DHX29: variants seen among roughly 807,000 people sequenced by gnomAD.
The protein encoded by DHX29 is ATP-dependent RNA helicase DHX29.
Under a neutral mutation model 167.9 loss-of-function variants are expected in DHX29, and 79 were observed. The ratio of observed to expected loss-of-function variants is 0.47; its 90% CI spans 0.39 to 0.57. The LOEUF (loss-of-function observed/expected upper bound fraction) is 0.57. DHX29 is among the 20% of genes least tolerant of loss of function. The probability of loss-of-function intolerance (pLI) is 0.00; values close to 1 mark genes in which losing one functional copy is unlikely to be tolerated. For missense variants in DHX29, 1,347 were observed against 1,593.4 expected (o/e 0.85, Z 2.63); for synonymous variants, 530 against 546.0 (o/e 0.97, Z 0.41).
At chr5:55,290,921 A>T (rs2111935150) in intron 6 of DHX29, among the ~76,000 whole-genome samples, 1 of 152,304 alleles carries the variant, frequency 6.6e-6, no homozygotes, top group South Asian at 2.1e-4. Flanking sequence ...AGGCTGAGGC[A>T]GGAGAATCAC....
intron 6 of DHX29, among the ~76,000 whole-genome samples, chr5:55,293,761 A>G (rs1276296255): frequency 6.6e-6 from 1 of 152,188 alleles, no homozygotes; most frequent in Middle Eastern, 3.2e-3. Context: ...TAAAGAATTT[A>G]GCATACTCCT....
rs1361959057 is a variant in DHX29 at position 55,307,637 on chromosome 5, A to G, written c.-64T>C. ...CCGACGGTACCACTGCACAGCCGAGAGCTCTTCACATTCCCCGGCTCCGGG... is the reference window on the plus strand; with the variant it reads ...CCGACGGTACCACTGCACAGCCGAGGGCTCTTCACATTCCCCGGCTCCGGG... On this transcript the variant is annotated 5_prime_UTR_variant, in exon 1 of 27. Coordinates refer to ENST00000251636, the MANE Select transcript of DHX29 (RefSeq NM_019030.4). 6 of 1,575,650 alleles carry G rather than the reference A, an allele frequency of 3.8e-6. No individual in the cohort carries two copies. In the South Asian group the frequency reaches 4.5e-5, roughly 12 times the overall value.
chr5:55,286,029 T>C (rs1030152248), intron 8 of DHX29, among the ~76,000 whole-genome samples, 168 bp from the exon 9 acceptor site: 3 of 151,742 alleles, frequency 2.0e-5, no homozygotes, highest in East Asian at 1.9e-4. Flanking sequence ...CCGAGGCGGG[T>C]AGATCACGAA....
At position 55,260,527 on chromosome 5, in the gene DHX29, G is replaced by GCCTGGGGTGTAACATTTTTTAAAATA. The variant is rs1579747000; in HGVS notation, c.3961-584_3961-583insTATTTTAAAAAATGTTACACCCCAGG. Among the ~76,000 whole-genome samples the GCCTGGGGTGTAACATTTTTTAAAATA allele has an allele frequency of 1.1e-4, 17 of 151,810 alleles. No individual in the cohort carries two copies. In the East Asian group the frequency reaches 1.9e-3, roughly 17 times the overall value. ...ATTACAGGCATGAGCCATGGCACCC[G>GCCTGGGGTGTAACATTTTTTAAAATA]GCTTTATTGAGATATAAAAATTACC... On this transcript the variant is annotated intron_variant, in intron 25 of 26. Transcript: ENST00000251636.
Position 55,262,722 on chromosome 5 carries a change from T to G in DHX29, c.3736A>C (p.Ile1246Leu). 3 of 1,614,128 alleles carry G rather than the reference T, an allele frequency of 1.9e-6. No individual in the cohort carries two copies. In the Middle Eastern group the frequency reaches 5.0e-4, roughly 266 times the overall value. The stretch of plus-strand genomic sequence containing the variant: ...GCTTTGCCTTGGGCCGTCTCCACAA[T>G]GCAAGCCAATTTTTCTGTAACATCC... ...SVDVTEKLAC[I>L]VETAQGKAQV... Residue 1246 changes from isoleucine to leucine, a missense_variant, in exon 24 of 27, where the codon ATT becomes CTT. Transcript: ENST00000251636.
chr5:55,261,327 G>C, intron 25 of DHX29, 41 bp downstream of exon 25: 1 of 1,250,074 alleles, frequency 8.0e-7, no homozygotes, highest in Non-Finnish European at 1.1e-6. Flanking sequence ...ACTGGAAGTT[G>C]AAAATTTTTA....
chr5:55,274,794 TA>T (rs1747024586), intron 15 of DHX29, 63 bp from the exon 16 acceptor site: 2 of 1,561,746 alleles, frequency 1.3e-6, no homozygotes, highest in Non-Finnish European at 1.7e-6. Flanking sequence ...TATAAAATAT[TA>T]ATAAAACATC....
intron 23 of DHX29, among the ~76,000 whole-genome samples, chr5:55,266,733 G>C (rs991127354): frequency 1.3e-5 from 2 of 151,454 alleles, no homozygotes; most frequent in African/African-American, 4.9e-5. Context: ...CTCCCACCTT[G>C]GTCTCCTGAG....
At chr5:55,297,522 A>C in intron 2 of DHX29, 124 bp from the exon 3 acceptor site, 2 of 607,754 alleles carry the variant, frequency 3.3e-6, no homozygotes, top group South Asian at 4.0e-5. Flanking sequence ...CAGATACAGT[A>C]ATTATCATTT....
chr5:55,280,531 T>C (rs915574326), intron 12 of DHX29, among the ~76,000 whole-genome samples: 2 of 152,178 alleles, frequency 1.3e-5, no homozygotes, highest in East Asian at 3.9e-4. Context: ...GTCTTGGTCA[T>C]ACAAAGCCAC....
At chr5:55,295,866 C>G (rs767927680) in intron 4 of DHX29, among the ~76,000 whole-genome samples, 1 of 152,286 alleles carries the variant, frequency 6.6e-6, no homozygotes, top group Middle Eastern at 3.4e-3. Flanking sequence ...CATTTGCACT[C>G]CAGATTCTTG....
intron 11 of DHX29, 95 bp from the exon 12 acceptor site, chr5:55,281,610 A>G (rs1747417575): frequency 2.4e-6 from 2 of 846,604 alleles, no homozygotes; most frequent in African/African-American, 3.5e-5. Flanking sequence ...CTTGCTGTTA[A>G]ATGGAGCATT....
intron 8 of DHX29, among the ~76,000 whole-genome samples, chr5:55,287,308 G>T (rs1405666403): frequency 6.6e-6 from 1 of 152,070 alleles, no homozygotes; most frequent in Non-Finnish European, 1.5e-5. Context: ...GGGCATGCAG[G>T]CATGCACCTG....
rs1408943502 is a variant in DHX29, at chr5:55,297,331, T to C, written c.329A>G (p.Asn110Ser). The C allele has an allele frequency of 1.2e-6, 2 of 1,601,380 alleles. No homozygotes were observed. Among genetic ancestry groups the C allele is most frequent in the South Asian group, 2.2e-5 (2 of 90,000 alleles). The change falls in exon 3 of 27, where the codon AAT (asparagine) becomes AGT (serine). Residue 110 changes from asparagine (N) to serine (S), a missense_variant. Physicochemically the swap from Asn to Ser is conservative, Grantham distance 46. This residue lies in a region of DHX29 where 405 missense variants were observed against 416.8 expected (regional missense o/e 0.97). Coordinates refer to ENST00000251636, the MANE Select transcript of DHX29 (RefSeq NM_019030.4). ...TCTTCCAGAAATCATTCCTTTGTCA[T>C]TATTTTGCTTTTTATGCTCATTGAT... ...GVINEHKKQN[N>S]DKGMISGRLT...
intron 8 of DHX29, among the ~76,000 whole-genome samples, chr5:55,287,930 GAAAAAAAGAAAAAAAAA>G (rs1257932978): frequency 1.5e-5 from 2 of 129,510 alleles, no homozygotes; most frequent in African/African-American, 2.9e-5. Context: ...GCCTGAGCTG[GAAAAAAAGAAAAAAAAA>G]AAAAAAAGAA....
chr5:55,275,515 A>G (rs1487489392), intron 14 of DHX29, among the ~76,000 whole-genome samples: 1 of 152,168 alleles, frequency 6.6e-6, no homozygotes, highest in Non-Finnish European at 1.5e-5. Flanking sequence ...TGCTTTAAAA[A>G]TTTAATTTTT....
chr5:55,269,339 A>G (rs1054705281), intron 21 of DHX29, 74 bp downstream of exon 21: 2 of 1,473,330 alleles, frequency 1.4e-6, no homozygotes, highest in African/African-American at 1.4e-5. Context: ...TTTACTTAAC[A>G]ATTGTTTCCA....
intron 23 of DHX29, among the ~76,000 whole-genome samples, chr5:55,266,544 G>A (rs1297760883): frequency 7.0e-6 from 1 of 142,714 alleles, no homozygotes; most frequent in Non-Finnish European, 1.5e-5. Flanking sequence ...CCCAACCTCA[G>A]GTGATTTTTT....
chr5:55,297,527 T>C, intron 2 of DHX29, 129 bp from the exon 3 acceptor site: 1 of 605,722 alleles, frequency 1.7e-6, no homozygotes, highest in Non-Finnish European at 2.9e-6. Flanking sequence ...ACAGTAATTA[T>C]CATTTTTTGG....
Sources: allele counts gnomAD v4.1 joint callset (sites outside exome capture counted in the v4.1 genomes callset), GRCh38; gene constraint gnomAD v4.1.1; regional missense constraint gnomAD v4.1.1; transcripts MANE v1.5; gene names NCBI Gene and HGNC (gene_info 2026-07-23, HGNC 2026-07-21).